SETDB2: variants seen among roughly 807,000 people sequenced by gnomAD.
The protein encoded by SETDB2 is histone-lysine N-methyltransferase SETDB2.
A neutral mutation model predicts 82.5 loss-of-function variants in SETDB2; 56 were observed. That is an observed-to-expected ratio of 0.68 (90% CI 0.55 to 0.85). The LOEUF is 0.85. SETDB2 is among the 40% of genes least tolerant of loss of function. The probability of loss-of-function intolerance (pLI) is 0.00; values close to 1 mark genes in which losing one functional copy is unlikely to be tolerated. For synonymous variants in SETDB2, 272 were observed against 284.9 expected (o/e 0.95, Z 0.46); for missense variants, 677 against 816.4 (o/e 0.83, Z 2.08).
Position 49,476,775 on chromosome 13 carries a change from G to T in SETDB2, c.605G>T (p.Cys202Phe). The change falls in exon 6 of 14, where the codon TGT (cysteine) becomes TTT (phenylalanine). Residue 202 changes from cysteine (C) to phenylalanine (F), a missense_variant. Cys to Phe is a radical substitution (Grantham distance 205). This residue lies in a region of SETDB2 where 243 missense variants were observed against 237.2 expected (regional missense o/e 1.02). Coordinates refer to ENST00000611815, the MANE Select transcript of SETDB2 (RefSeq NM_001160308.3). ...TTTCGTTACCTGCTTGAGACAGAGT[G>T]TAACTTTTTATTTACAGATAACTTT... is the stretch of plus-strand genomic sequence containing the variant. ...EVFRYLLETE[C>F]NFLFTDNFSF... The T allele has an allele frequency of 6.2e-7, 1 of 1,613,820 alleles. No homozygotes were observed. The highest frequency in any genetic ancestry group is 8.5e-7 in the Non-Finnish European group (1 of 1,179,816).
Position 49,483,565 on chromosome 13 carries a change from TA to T in SETDB2, c.1482+8del, listed in dbSNP as rs765487231. ...TTTCAACACAATGGGAAAAAAATGG[TA>T]AAAAATGCAAAATGTAGTTGGGACC... On this transcript the variant is annotated splice_donor_region_variant and intron_variant, in intron 10 of 13. Transcript: ENST00000611815. 4 of 1,345,280 alleles carry T rather than the reference TA, an allele frequency of 3.0e-6. No individual in the cohort carries two copies. The highest frequency in any genetic ancestry group is 1.4e-5 in the South Asian group (1 of 70,216). 83.3% of individuals were successfully genotyped at this position (1,345,280 alleles called of 1,614,324 possible). A position where few individuals can be genotyped will look rare whatever the true frequency, so the allele number is the denominator to read the frequency against.
At chr13:49,470,966 C>CTTTCTTTCTTTTTTTTTTT (rs10695231) in intron 5 of SETDB2, among the ~76,000 whole-genome samples, 5 of 80,488 alleles carry the variant, frequency 6.2e-5, no homozygotes, top group Non-Finnish European at 1.1e-4. Flanking sequence ...TTCTTTCTTT[C>CTTTCTTTCTTTTTTTTTTT]TTTTTTTTTT....
intron 4 of SETDB2, among the ~76,000 whole-genome samples, 171 bp downstream of exon 4, chr13:49,461,333 C>T (rs971165617): frequency 6.6e-6 from 1 of 152,162 alleles, no homozygotes; most frequent in Non-Finnish European, 1.5e-5. Context: ...AAGTCCTACC[C>T]ATCTAGAGAT....
Position 49,490,279 on chromosome 13 carries a change from CAAAAAAAAAA to C in SETDB2, c.1918-529_1918-520del, listed in dbSNP as rs60013535. 3.6e-5 allele frequency among the ~76,000 whole-genome samples: 3 copies of C among 83,180 alleles called. No homozygotes were observed. The Admixed American group carries it at 4.9e-4, about 14-fold the overall frequency. The allele number at this position is 83,180 out of a possible 152,430, so 54.6% of individuals were successfully genotyped here. A position where few individuals can be genotyped will look rare whatever the true frequency, so the allele number is the denominator to read the frequency against. ...TGGGCGACAGAGTGAGACTCCGTCTCAAAAAAAAAAAAAAAAAAAAAAATCTTGTGGCAAT... is the reference window on the plus strand; with the variant it reads ...TGGGCGACAGAGTGAGACTCCGTCTCAAAAAAAAAAAAATCTTGTGGCAAT... On this transcript the variant is annotated intron_variant, in intron 12 of 13. Transcript: ENST00000611815.
At chr13:49,486,221 T>C (rs1958595517) in intron 11 of SETDB2, among the ~76,000 whole-genome samples, 2 of 151,804 alleles carry the variant, frequency 1.3e-5, no homozygotes, top group South Asian at 2.1e-4. Flanking sequence ...GGGAGGATTG[T>C]TGAGGTCAGG....
chr13:49,472,507 G>A (rs1279230939), intron 5 of SETDB2, among the ~76,000 whole-genome samples: 1 of 152,048 alleles, frequency 6.6e-6, no homozygotes, highest in Non-Finnish European at 1.5e-5. Context: ...TCCTTATCCT[G>A]TGTTTACCTC....
intron 2 of SETDB2, 123 bp from the exon 3 acceptor site, chr13:49,459,984 A>G (rs746469069): frequency 5.9e-5 from 54 of 915,992 alleles, no homozygotes; most frequent in Non-Finnish European, 7.2e-5. Flanking sequence ...CTCAAGGAAA[A>G]TGATAGACCA....
At chr13:49,454,686 AT>A (rs556465407) in intron 2 of SETDB2, among the ~76,000 whole-genome samples, 299 of 152,324 alleles carry the variant, frequency 2.0e-3, no homozygotes, top group Non-Finnish European at 2.9e-3. Flanking sequence ...TGCATACGTT[AT>A]TAGTTCATTG....
chr13:49,451,367 A>G (rs1452567569), intron 1 of SETDB2, among the ~76,000 whole-genome samples, 186 bp from the exon 2 acceptor site: 1 of 150,302 alleles, frequency 6.7e-6, no homozygotes, highest in South Asian at 2.1e-4. Flanking sequence ...TATTATTTCT[A>G]ATTTTGATAC....
chr13:49,465,561 A>G (rs992017190), intron 4 of SETDB2, among the ~76,000 whole-genome samples: 7 of 151,702 alleles, frequency 4.6e-5, no homozygotes, highest in Non-Finnish European at 8.8e-5. Context: ...TTTGAGACGA[A>G]GTCTCACTCT....
At chr13:49,460,450 A>G (rs917991989) in intron 3 of SETDB2, among the ~76,000 whole-genome samples, 1 of 152,080 alleles carries the variant, frequency 6.6e-6, no homozygotes. Context: ...TGCTCATTAT[A>G]TAACATTTGG....
intron 5 of SETDB2, among the ~76,000 whole-genome samples, chr13:49,475,365 C>T (rs957193147): frequency 1.3e-5 from 2 of 152,130 alleles, no homozygotes; most frequent in African/African-American, 4.8e-5. Context: ...TACAACGCAT[C>T]TCTAAAATAC....
chr13:49,461,836 G>A (rs1467998928), intron 4 of SETDB2, among the ~76,000 whole-genome samples: 1 of 152,148 alleles, frequency 6.6e-6, no homozygotes, highest in Non-Finnish European at 1.5e-5. Context: ...TGGGCCTCCT[G>A]TACTTCTGAC....
chr13:49,476,793 A>C lies in SETDB2; in HGVS notation c.623A>C (p.Asp208Ala), dbSNP rs535327351. Reference sequence around the variant, plus strand: ...ACAGAGTGTAACTTTTTATTTACAGATAACTTTTCTTTCAATACCTATGTT... The same window carrying C: ...ACAGAGTGTAACTTTTTATTTACAGCTAACTTTTCTTTCAATACCTATGTT... ...LETECNFLFTDNFSFNTYVQL... is the reference protein window; with the variant it reads ...LETECNFLFTANFSFNTYVQL... The change falls in exon 6 of 14, where the codon GAT becomes GCT. Residue 208 changes from aspartate to alanine, a missense_variant. By Grantham distance (126) the Asp-to-Ala change is moderately radical. Around this residue, in one of 3 missense-constraint regions of SETDB2, gnomAD observed 243 missense variants for 237.2 expected, o/e 1.02. Coordinates refer to ENST00000611815, the MANE Select transcript of SETDB2 (RefSeq NM_001160308.3). The C allele has an allele frequency of 1.9e-6, 3 of 1,613,360 alleles. No homozygotes were observed. Among genetic ancestry groups the C allele is most frequent in the South Asian group, 2.2e-5 (2 of 91,044 alleles).
At chr13:49,455,785 C>CA (rs10558406) in intron 2 of SETDB2, among the ~76,000 whole-genome samples, 41 of 149,120 alleles carry the variant, frequency 2.7e-4, no homozygotes, top group East Asian at 9.7e-4. Flanking sequence ...TAAAAAAAAA[C>CA]AAAAAAAAAC....
chr13:49,467,593 T>C (rs982616572), intron 4 of SETDB2, among the ~76,000 whole-genome samples: 2 of 152,210 alleles, frequency 1.3e-5, no homozygotes, highest in Non-Finnish European at 2.9e-5. Flanking sequence ...ATGTCCACCT[T>C]AAAGATTGGT....
At chr13:49,465,651 CT>C (rs1299899084) in intron 4 of SETDB2, among the ~76,000 whole-genome samples, 1 of 152,164 alleles carries the variant, frequency 6.6e-6, no homozygotes, top group Non-Finnish European at 1.5e-5. Flanking sequence ...ATTCTCCTGC[CT>C]CAGCCTCTCG....
rs778248069 is a variant in SETDB2 at position 49,460,227 on chromosome 13, A to G, written c.137A>G (p.Asn46Ser). ...KQKIKDGSAT[N>S]KEYIQAMILV... ...AAGATCAAAGATGGGTCTGCCACCA[A>G]TAAAGGTATGAAGCAATAAAAACTT... Residue 46 changes from asparagine to serine, a missense_variant, in exon 3 of 14, where the codon AAT becomes AGT. Physicochemically the swap from Asn to Ser is conservative, Grantham distance 46. Transcript: ENST00000611815. The G allele has an allele frequency of 1.9e-6, 3 of 1,612,494 alleles. No individual in the cohort carries two copies. Among genetic ancestry groups the G allele is most frequent in the Middle Eastern group, 1.7e-4 (1 of 6,056 alleles).
At chr13:49,449,986 A>G (rs1225911300) in intron 1 of SETDB2, among the ~76,000 whole-genome samples, 3 of 152,140 alleles carry the variant, frequency 2.0e-5, no homozygotes, top group Non-Finnish European at 2.9e-5. Context: ...TTGGCTGGAT[A>G]TAGAGTTCTG....
Sources: allele counts gnomAD v4.1 joint callset (sites outside exome capture counted in the v4.1 genomes callset), GRCh38; gene constraint gnomAD v4.1.1; regional missense constraint gnomAD v4.1.1; transcripts MANE v1.5; gene names NCBI Gene and HGNC (gene_info 2026-07-23, HGNC 2026-07-21).